The following ABRA variants were observed in gnomAD, a reference collection of about 807,000 sequenced individuals.
The protein encoded by ABRA is actin binding Rho activating protein.
A neutral mutation model predicts 33.4 loss-of-function variants in ABRA; 25 were observed. The ratio of observed to expected loss-of-function variants is 0.75; its 90% CI spans 0.55 to 1.04. ABRA has a LOEUF of 1.04. Among genes scored for constraint, ABRA ranks in the 50% least tolerant of loss-of-function variants. ABRA has a pLI of 0.00. For synonymous variants in ABRA, 193 were observed against 176.8 expected (o/e 1.09, Z -0.73); for missense variants, 501 against 491.7 (o/e 1.02, Z -0.18).
In ABRA at chr8:106,760,998, G is replaced by T. The variant is rs539029079; in HGVS notation, c.*39C>A. ...TACCTACATGAGCATTTAGCATTAA[G>T]ACCATAGTGGGCCAAATTTGGCTTT... On this transcript the variant is annotated 3_prime_UTR_variant, in exon 2 of 2. Coordinates refer to ENST00000311955, the MANE Select transcript of ABRA (RefSeq NM_139166.5). 368 of 1,567,948 alleles carry T rather than the reference G, an allele frequency of 2.3e-4. 2 individuals are homozygous for T. Among genetic ancestry groups the T allele is most frequent in the South Asian group, 1.0e-4 (9 of 87,032 alleles).
rs1261193410 is a variant in ABRA, at chr8:106,759,782, C to T, written c.*1255G>A. On this transcript the variant is annotated 3_prime_UTR_variant, in exon 2 of 2. Coordinates refer to ENST00000311955, the MANE Select transcript of ABRA (RefSeq NM_139166.5). ...TTACATTTAACACCAAAGTGCTATA[C>T]TATCAATGCATTTTAGTAATTTCAT... is the stretch of plus-strand genomic sequence containing the variant. 2 of 152,180 alleles carry T rather than the reference C, an allele frequency of 1.3e-5. No homozygotes were observed. Among genetic ancestry groups the T allele is most frequent in the African/African-American group, 4.8e-5 (2 of 41,450 alleles). The allele number at this position is 152,180 out of a possible 1,614,324, so 9.4% of individuals were successfully genotyped here. A position where few individuals can be genotyped will look rare whatever the true frequency, so the allele number is the denominator to read the frequency against.
rs201570186 is a variant in ABRA at position 106,761,049 on chromosome 8, C to T, written c.1134G>A (p.Thr378=). The change falls in exon 2 of 2, where the codon ACG becomes ACA. Residue 378 remains threonine (T), a synonymous_variant. Coordinates refer to ENST00000311955, the MANE Select transcript of ABRA (RefSeq NM_139166.5). ...WQGRDDHVVI[T]LLK Reference sequence around the variant, plus strand: ...TGTTTTTGAAGGTTCACTTGAGTAGCGTAATCACAACATGGTCATCTCGGC... The same window carrying T: ...TGTTTTTGAAGGTTCACTTGAGTAGTGTAATCACAACATGGTCATCTCGGC... 85 of 1,612,892 alleles carry T rather than the reference C, an allele frequency of 5.3e-5. No individual in the cohort carries two copies. In the East Asian group the frequency reaches 1.0e-3, roughly 19 times the overall value.
intron 1 of ABRA, 28 bp downstream of exon 1, chr8:106,769,495 C>T: frequency 6.3e-7 from 1 of 1,594,340 alleles, no homozygotes; most frequent in Non-Finnish European, 8.6e-7. Flanking sequence ...GATCCTGACA[C>T]AAGGAGTGGG....
At chr8:106,761,649 A>C in intron 1 of ABRA, 135 bp from the exon 2 acceptor site, 1 of 736,782 alleles carries the variant, frequency 1.4e-6, no homozygotes, top group Admixed American at 3.3e-5. Flanking sequence ...ACACAATATA[A>C]AAAATTAGAA....
At chr8:106,766,347 C>T (rs933177293) in intron 1 of ABRA, among the ~76,000 whole-genome samples, 3 of 152,086 alleles carry the variant, frequency 2.0e-5, no homozygotes, top group East Asian at 1.9e-4. Flanking sequence ...ATCCATGGAA[C>T]ATCTTAACCA....
Position 106,760,775 on chromosome 8 carries a change from A to G in ABRA, c.*262T>C, listed in dbSNP as rs1191923260. 5 of 411,482 alleles carry G rather than the reference A, an allele frequency of 1.2e-5. No individual in the cohort carries two copies. Among genetic ancestry groups the G allele is most frequent in the Non-Finnish European group, 2.2e-5 (5 of 231,132 alleles). The allele number at this position is 411,482 out of a possible 1,614,324, so 25.5% of individuals were successfully genotyped here. ...AAAGAGAATCTGTCTCAAAACAAAA[A>G]CAAAAACACCCTGTGGAATTTCAAC... On this transcript the variant is annotated 3_prime_UTR_variant, in exon 2 of 2. Transcript: ENST00000311955.
intron 1 of ABRA, among the ~76,000 whole-genome samples, chr8:106,761,852 G>A (rs534830484): frequency 2.0e-3 from 304 of 152,254 alleles, no homozygotes; most frequent in Middle Eastern, 3.4e-3. Context: ...TAACATTTTA[G>A]AACTGAAATC....
chr8:106,761,332 T>A lies in ABRA; in HGVS notation c.851A>T (p.Glu284Val), dbSNP rs751541398. 2 of 1,614,212 alleles carry A rather than the reference T, an allele frequency of 1.2e-6. No individual in the cohort carries two copies. The highest frequency in any genetic ancestry group is 1.1e-5 in the South Asian group (1 of 91,084). The change falls in exon 2 of 2, where the codon GAG becomes GTG. Residue 284 changes from glutamate to valine, a missense_variant. Physicochemically the swap from Glu to Val is moderately radical, Grantham distance 121. Transcript: ENST00000311955. ...TCCTTCTTTGGGGCGGCCATAGCCCTCATCTCCTTTGTGTAGGCGGGTGGA... is the reference window on the plus strand; with the variant it reads ...TCCTTCTTTGGGGCGGCCATAGCCCACATCTCCTTTGTGTAGGCGGGTGGA... ...AMSTRLHKGD[E>V]GYGRPKEGTK... is the part of the protein sequence containing the mutation.
chr8:106,767,847 G>A (rs1301228566), intron 1 of ABRA, among the ~76,000 whole-genome samples: 1 of 152,028 alleles, frequency 6.6e-6, no homozygotes, highest in Non-Finnish European at 1.5e-5. Flanking sequence ...TGCATCCCAG[G>A]ACTTTGGGAG....
chr8:106,767,909 A>T (rs935860210), intron 1 of ABRA, among the ~76,000 whole-genome samples: 1 of 152,106 alleles, frequency 6.6e-6, no homozygotes, highest in African/African-American at 2.4e-5. Flanking sequence ...AGCCTGGCTA[A>T]CATGGTGAAA....
In ABRA at chr8:106,770,021, T is replaced by C. The variant is rs781527207; in HGVS notation, c.170A>G (p.Gln57Arg). 9.3e-6 allele frequency: 15 copies of C among 1,613,956 alleles called. No individual in the cohort carries two copies. In the East Asian group the frequency reaches 3.1e-4, roughly 34 times the overall value. Residue 57 changes from glutamine (Q) to arginine (R), a missense_variant, in exon 1 of 2, where the codon CAG becomes CGG. Coordinates refer to ENST00000311955, the MANE Select transcript of ABRA (RefSeq NM_139166.5). ...EPTGWLPGGT[Q>R]DSPQAPKPIT... ...TGGTTTAGGAGCTTGAGGTGAGTCC[T>C]GGGTCCCTCCCGGCAGCCAGCCTGT...
intron 1 of ABRA, among the ~76,000 whole-genome samples, chr8:106,761,820 A>G (rs1337082013): frequency 6.6e-6 from 1 of 152,216 alleles, no homozygotes; most frequent in East Asian, 1.9e-4. Context: ...GCAAATGTGT[A>G]TATCTTTAAG....
intron 1 of ABRA, among the ~76,000 whole-genome samples, chr8:106,766,918 A>C (rs1372467788): frequency 1.3e-5 from 2 of 152,206 alleles, no homozygotes; most frequent in Non-Finnish European, 2.9e-5. Context: ...TTCAAATCTA[A>C]TTGTCTCTTA....
chr8:106,764,800 A>G (rs1025945483), intron 1 of ABRA, among the ~76,000 whole-genome samples: 6 of 152,332 alleles, frequency 3.9e-5, no homozygotes, highest in African/African-American at 1.4e-4. Context: ...CCCATAAGGA[A>G]GAATTAGAAA....
At chr8:106,763,635 A>G (rs1271162500) in intron 1 of ABRA, among the ~76,000 whole-genome samples, 1 of 152,184 alleles carries the variant, frequency 6.6e-6, no homozygotes, top group Non-Finnish European at 1.5e-5. Flanking sequence ...ATGCTAATCA[A>G]TGACTGATCA....
rs1836136499 is a variant in ABRA at position 106,761,360 on chromosome 8, T to A, written c.823A>T (p.Met275Leu). ...TCTCCTTTGTGTAGGCGGGTGGACA[T>A]GGCCAGCTCGTAATCAAACTCTTCA... The part of the protein sequence containing the change: ...FSEEFDYELA[M>L]STRLHKGDEG... Residue 275 changes from methionine (M) to leucine (L), a missense_variant, in exon 2 of 2, where the codon ATG (methionine) becomes TTG (leucine). Transcript: ENST00000311955. 1.2e-6 allele frequency: 2 copies of A among 1,614,038 alleles called. No homozygotes were observed. The highest frequency in any genetic ancestry group is 2.7e-5 in the African/African-American group (2 of 74,910).
Position 106,770,139 on chromosome 8 carries a change from G to T in ABRA, c.52C>A (p.Arg18=). The change falls in exon 1 of 2, where the codon CGG becomes AGG. Residue 18 remains arginine (R), a synonymous_variant. Coordinates refer to ENST00000311955, the MANE Select transcript of ABRA (RefSeq NM_139166.5). ...ACCAGGGTGGCTGTGCGTATCTTCC[G>T]GAGGGCGCTCTTGGCTGGGCCCTCC... ...SGEGPAKSAL[R]KIRTATLVIS... 1 of 1,613,412 alleles carries T rather than the reference G, an allele frequency of 6.2e-7. No homozygotes were observed.
chr8:106,759,906 T>C lies in ABRA; in HGVS notation c.*1131A>G, dbSNP rs1006020530. On this transcript the variant is annotated 3_prime_UTR_variant, in exon 2 of 2. Coordinates refer to ENST00000311955, the MANE Select transcript of ABRA (RefSeq NM_139166.5). ...AATGATTTTCTCCTTGCCATCATCATTGTATATTTTTTACTTTGGCAGAAC... is the reference window on the plus strand; with the variant it reads ...AATGATTTTCTCCTTGCCATCATCACTGTATATTTTTTACTTTGGCAGAAC... The C allele has an allele frequency of 3.3e-5, 5 of 152,216 alleles. No homozygotes were observed. The highest frequency in any genetic ancestry group is 1.2e-4 in the African/African-American group (5 of 41,456). The allele number at this position is 152,216 out of a possible 1,614,324, so 9.4% of individuals were successfully genotyped here. A position where few individuals can be genotyped will look rare whatever the true frequency, so the allele number is the denominator to read the frequency against.
chr8:106,763,198 T>A (rs6991117), intron 1 of ABRA, among the ~76,000 whole-genome samples: 4,275 of 152,276 alleles, frequency 0.028, 209 homozygotes, highest in African/African-American at 0.099. Context: ...AATACATACT[T>A]ACATTAACAT....
Sources: allele counts gnomAD v4.1 joint callset (sites outside exome capture counted in the v4.1 genomes callset), GRCh38; gene constraint gnomAD v4.1.1; transcripts MANE v1.5; gene names NCBI Gene and HGNC (gene_info 2026-07-23, HGNC 2026-07-21).